Variants in RPS6KA5 observed in about 807,000 individuals in gnomAD.
The protein encoded by RPS6KA5 is ribosomal protein S6 kinase alpha-5.
Under a neutral mutation model 85.5 loss-of-function variants are expected in RPS6KA5, and 27 were observed. That is an observed-to-expected ratio of 0.32 (90% CI 0.23 to 0.44). The LOEUF (loss-of-function observed/expected upper bound fraction) is 0.44, where lower values mean the gene tolerates loss of function less well. RPS6KA5 is among the 20% of genes least tolerant of loss of function. The pLI is 1.00. For missense variants in RPS6KA5, 811 were observed against 980.9 expected (o/e 0.83, Z 2.31); for synonymous variants, 334 against 348.2 (o/e 0.96, Z 0.46).
intron 2 of RPS6KA5, among the ~76,000 whole-genome samples, chr14:90,984,409 G>C (rs1029496638): frequency 6.6e-6 from 1 of 152,196 alleles, no homozygotes; most frequent in Non-Finnish European, 1.5e-5. Context: ...TTTCAGAAGA[G>C]AGAACTGGAT....
intron 14 of RPS6KA5, among the ~76,000 whole-genome samples, chr14:90,881,375 C>A (rs767127345): frequency 2.0e-5 from 3 of 150,980 alleles, no homozygotes; most frequent in Admixed American, 2.0e-4. Context: ...ATTGCCTGAA[C>A]TCGGGAGGCA....
intron 2 of RPS6KA5, among the ~76,000 whole-genome samples, chr14:90,994,712 C>T (rs1047186241): frequency 6.6e-6 from 1 of 151,694 alleles, no homozygotes; most frequent in Non-Finnish European, 1.5e-5. Context: ...GCTGGGAGTA[C>T]AGGTGCCCGC....
chr14:90,960,306 TAGCCAGGCAGCGAAACAACA>T (rs1293335028), intron 3 of RPS6KA5, among the ~76,000 whole-genome samples: 1 of 152,116 alleles, frequency 6.6e-6, no homozygotes, highest in African/African-American at 2.4e-5. Flanking sequence ...AAAAACAACT[TAGCCAGGCAGCGAAACAACA>T]AATAAGACAA....
At chr14:91,033,047 C>T (rs2042252283) in intron 1 of RPS6KA5, among the ~76,000 whole-genome samples, 1 of 151,636 alleles carries the variant, frequency 6.6e-6, no homozygotes, top group African/African-American at 2.4e-5. Flanking sequence ...ATTAGCTGGA[C>T]GTGGTGGTGG....
intron 5 of RPS6KA5, among the ~76,000 whole-genome samples, chr14:90,926,513 C>A (rs1053765992): frequency 6.6e-6 from 1 of 151,910 alleles, no homozygotes; most frequent in African/African-American, 2.4e-5. Flanking sequence ...TCCTGATTGG[C>A]CACATTCTAT....
chr14:91,011,151 G>A (rs1398831900), intron 1 of RPS6KA5, among the ~76,000 whole-genome samples: 1 of 152,106 alleles, frequency 6.6e-6, no homozygotes, highest in East Asian at 1.9e-4. Flanking sequence ...GAACAAAAAT[G>A]TATAAAAGAA....
chr14:90,872,345 C>T (rs763206039), intron 16 of RPS6KA5, 23 bp from the exon 17 acceptor site: 2 of 1,590,746 alleles, frequency 1.3e-6, no homozygotes, highest in South Asian at 1.1e-5. Flanking sequence ...AAAAAGGGAA[C>T]CCCTGTGAAG....
intron 3 of RPS6KA5, among the ~76,000 whole-genome samples, chr14:90,961,735 C>T (rs1230955526): frequency 6.6e-6 from 1 of 151,910 alleles, no homozygotes; most frequent in African/African-American, 2.4e-5. Context: ...AAAATTATCG[C>T]TCATAGATTT....
At chr14:90,955,344 T>A (rs1006814685) in intron 3 of RPS6KA5, among the ~76,000 whole-genome samples, 1 of 152,234 alleles carries the variant, frequency 6.6e-6, no homozygotes, top group African/African-American at 2.4e-5. Context: ...CATAGCTTAC[T>A]GCAGCTTCTA....
At chr14:91,010,442 A>G (rs557680503) in intron 1 of RPS6KA5, among the ~76,000 whole-genome samples, 27 of 152,346 alleles carry the variant, frequency 1.8e-4, no homozygotes, top group Admixed American at 9.8e-4. Context: ...ATAGAGCCAT[A>G]ATATCCCGGA....
intron 13 of RPS6KA5, among the ~76,000 whole-genome samples, chr14:90,893,707 T>A (rs79213843): frequency 0.022 from 3,296 of 152,200 alleles, 98 homozygotes; most frequent in African/African-American, 0.076. Flanking sequence ...GAGTCATCAT[T>A]ATCTTTTTAT....
In RPS6KA5 at chr14:90,849,830, T is replaced by TGA. The variant is rs2031899475; in HGVS notation, c.*22243_*22244insTC. 2 of 152,250 alleles carry TGA rather than the reference T, an allele frequency of 1.3e-5. No individual in the cohort carries two copies. The highest frequency in any genetic ancestry group is 2.4e-5 in the African/African-American group (1 of 41,448). The allele number at this position is 152,250 out of a possible 1,614,324, so 9.4% of individuals were successfully genotyped here. The stretch of plus-strand genomic sequence containing the variant: ...TACCCGTTGATGCTAGATGATGTCC[T>TGA]CAAACCTGACGTAGTAAAGGAAAAT... On this transcript the variant is annotated 3_prime_UTR_variant, in exon 17 of 17. Transcript: ENST00000614987.
chr14:91,015,741 A>G (rs2041462004), intron 1 of RPS6KA5, among the ~76,000 whole-genome samples: 1 of 152,236 alleles, frequency 6.6e-6, no homozygotes, highest in Admixed American at 6.5e-5. Context: ...ACATCAAATA[A>G]CAGTTTGTAA....
chr14:90,984,447 A>C (rs2039972423), intron 2 of RPS6KA5, among the ~76,000 whole-genome samples: 1 of 152,242 alleles, frequency 6.6e-6, no homozygotes, highest in Non-Finnish European at 1.5e-5. Context: ...CCAAAGCTGG[A>C]TATACATTTC....
At chr14:90,928,439 T>C (rs1049293122) in intron 5 of RPS6KA5, among the ~76,000 whole-genome samples, 2 of 151,452 alleles carry the variant, frequency 1.3e-5, no homozygotes, top group African/African-American at 4.8e-5. Context: ...AGAAGAAAAA[T>C]AGAAGGCTTG....
rs2031991335 is a variant in RPS6KA5, at chr14:90,851,406, C to G, written c.*20668G>C. Reference sequence around the variant, plus strand: ...TCTTCATTATTAAATATCATTCTACCCATCTTTGGAATCAGTGTACCTTAT... The same window carrying G: ...TCTTCATTATTAAATATCATTCTACGCATCTTTGGAATCAGTGTACCTTAT... On this transcript the variant is annotated 3_prime_UTR_variant, in exon 17 of 17. Coordinates refer to ENST00000614987, the MANE Select transcript of RPS6KA5 (RefSeq NM_004755.4). The G allele has an allele frequency of 6.6e-6, 1 of 152,116 alleles. No individual in the cohort carries two copies. The highest frequency in any genetic ancestry group is 2.4e-5 in the African/African-American group (1 of 41,420). The allele number at this position is 152,116 out of a possible 1,614,324, so 9.4% of individuals were successfully genotyped here.
intron 2 of RPS6KA5, among the ~76,000 whole-genome samples, chr14:90,994,568 T>A (rs990087347): frequency 3.8e-4 from 46 of 120,074 alleles, no homozygotes; most frequent in Non-Finnish European, 6.9e-4. Flanking sequence ...GTGATTTTTT[T>A]TTTTTTTTTT....
intron 14 of RPS6KA5, 52 bp downstream of exon 14, chr14:90,890,435 G>A: frequency 6.8e-7 from 1 of 1,463,530 alleles, no homozygotes; most frequent in Non-Finnish European, 9.2e-7. Context: ...GATAAGGAGA[G>A]AGGACACCAA....
intron 1 of RPS6KA5, among the ~76,000 whole-genome samples, chr14:91,057,576 G>A (rs994919053): frequency 1.3e-5 from 2 of 152,124 alleles, no homozygotes; most frequent in Admixed American, 6.5e-5. Context: ...CTGAGCAGCC[G>A]CAAAGATTAT....
Sources: gnomAD v4.1 joint callset for allele counts (sites outside exome capture counted in the v4.1 genomes callset) on GRCh38, gnomAD v4.1.1 for gene constraint, MANE v1.5 for transcripts, NCBI Gene and HGNC (gene_info 2026-07-23, HGNC 2026-07-21) for gene names.